Variants in FCRL2 observed in about 807,000 individuals in gnomAD.
FCRL2 encodes the protein Fc receptor like 2.
FCRL2 carries 48 observed loss-of-function variants against 59.8 expected under a neutral mutation model. The ratio of observed to expected loss-of-function variants is 0.80; its 90% CI spans 0.64 to 1.02. The LOEUF (loss-of-function observed/expected upper bound fraction) is 1.02. Among genes scored for constraint, FCRL2 ranks in the 50% least tolerant of loss-of-function variants. The pLI is 0.00. For missense variants in FCRL2, 658 were observed against 597.3 expected, an observed-to-expected ratio of 1.10 and a Z score of -1.06; for synonymous variants, 251 against 229.5, an observed-to-expected ratio of 1.09 and a Z score of -0.85.
intron 5 of FCRL2, chr1:157,768,042 A>C (rs1478008765): frequency 2.1e-5 from 5 of 236,112 alleles, no homozygotes; most frequent in Non-Finnish European, 4.1e-5. Flanking sequence ...CAGTTTCGGC[A>C]AGCTAGAAAC....
intron 7 of FCRL2, among the ~76,000 whole-genome samples, chr1:157,763,104 A>G (rs779339824): frequency 1.3e-5 from 2 of 152,256 alleles, no homozygotes; most frequent in Non-Finnish European, 2.9e-5. Context: ...GACGTAGAAA[A>G]TACACACTAA....
intron 7 of FCRL2, among the ~76,000 whole-genome samples, chr1:157,750,219 G>A (rs10489681): frequency 0.15 from 22,648 of 152,140 alleles, 1,735 homozygotes; most frequent in East Asian, 0.23. Context: ...AACAAGAAAC[G>A]CAGTATATTA....
chr1:157,775,937 A>G, intron 1 of FCRL2, 142 bp from the exon 2 acceptor site: 1 of 902,926 alleles, frequency 1.1e-6, no homozygotes, highest in Non-Finnish European at 1.6e-6. Context: ...TATTACTAAC[A>G]ATTCAATCTC....
intron 3 of FCRL2, 44 bp downstream of exon 3, chr1:157,770,365 C>T (rs1022353272): frequency 5.7e-6 from 9 of 1,590,368 alleles, no homozygotes; most frequent in South Asian, 1.2e-5. Flanking sequence ...GCCTTGCTGC[C>T]GTGGTCTCTC....
intron 7 of FCRL2, among the ~76,000 whole-genome samples, chr1:157,754,375 C>T (rs572854261): frequency 2.0e-5 from 3 of 152,144 alleles, no homozygotes; most frequent in Non-Finnish European, 4.4e-5. Context: ...AGGAAGTTAT[C>T]CAATATGGTC....
intron 2 of FCRL2, chr1:157,774,526 A>C (rs1266168692): frequency 2.2e-6 from 1 of 453,270 alleles, no homozygotes; most frequent in Non-Finnish European, 4.4e-6. Context: ...GCTAAAGGAA[A>C]AGAAAGAGAA....
chr1:157,765,394 C>G (rs986901415), intron 7 of FCRL2, among the ~76,000 whole-genome samples: 2 of 152,164 alleles, frequency 1.3e-5, no homozygotes, highest in Non-Finnish European at 2.9e-5. Context: ...CCTCCTCAAA[C>G]CATTCCAAAA....
chr1:157,767,531 T>C (rs1326913643), intron 5 of FCRL2, 22 bp from the exon 6 acceptor site: 3 of 1,614,220 alleles, frequency 1.9e-6, no homozygotes, highest in Non-Finnish European at 2.5e-6. Flanking sequence ...AGAGGGGCTA[T>C]CAGAAAAGAT....
At position 157,775,769 on chromosome 1, in the gene FCRL2, A is replaced by T; in HGVS notation, c.52+6T>A. ...ACCAAGAACAACAAAGACAAGGAGGACTCACCTGCCTGTTCAGTGACTGCA... is the reference window on the plus strand; with the variant it reads ...ACCAAGAACAACAAAGACAAGGAGGTCTCACCTGCCTGTTCAGTGACTGCA... On this transcript the variant is annotated splice_donor_region_variant and intron_variant, in intron 2 of 11. Transcript: ENST00000361516. The T allele has an allele frequency of 6.2e-7, 1 of 1,613,994 alleles. No homozygotes were observed. Among genetic ancestry groups the T allele is most frequent in the Non-Finnish European group, 8.5e-7 (1 of 1,179,934 alleles).
chr1:157,755,903 G>A (rs1293719571), intron 7 of FCRL2, among the ~76,000 whole-genome samples: 6 of 152,198 alleles, frequency 3.9e-5, no homozygotes, highest in Non-Finnish European at 8.8e-5. Context: ...AAGAGGTCCA[G>A]GAACAGTTGT....
Position 157,748,629 on chromosome 1 carries a change from A to C in FCRL2, c.1394-11T>G. On this transcript the variant is annotated splice_polypyrimidine_tract_variant and intron_variant, in intron 9 of 11. Coordinates refer to ENST00000361516, the MANE Select transcript of FCRL2 (RefSeq NM_030764.4). ...CATCTACAGAGCCCACTGCAGGGAG[A>C]AGACAAGAGTTCACAGATGTTGGTG... The C allele has an allele frequency of 6.2e-7, 1 of 1,613,056 alleles. No individual in the cohort carries two copies. The highest frequency in any genetic ancestry group is 8.5e-7 in the Non-Finnish European group (1 of 1,179,166).
At chr1:157,763,923 G>A (rs1016317999) in intron 7 of FCRL2, among the ~76,000 whole-genome samples, 3 of 151,848 alleles carry the variant, frequency 2.0e-5, no homozygotes, top group East Asian at 1.9e-4. Context: ...CCAGCTACTC[G>A]GGAGGCTGAG....
intron 5 of FCRL2, 173 bp downstream of exon 5, chr1:157,768,241 C>A: frequency 1.7e-6 from 1 of 601,980 alleles, no homozygotes; most frequent in Non-Finnish European, 2.9e-6. Flanking sequence ...ATATTTCCTT[C>A]CACAAAAAGA....
chr1:157,767,606 G>T (rs1035888527), intron 5 of FCRL2, 97 bp from the exon 6 acceptor site: 1 of 1,613,876 alleles, frequency 6.2e-7, no homozygotes, highest in African/African-American at 1.3e-5. Context: ...CTGGCCCCAT[G>T]GCTGTTGCAT....
intron 10 of FCRL2, 76 bp downstream of exon 10, chr1:157,748,477 T>G (rs1339688383): frequency 7.4e-6 from 5 of 678,830 alleles, no homozygotes; most frequent in East Asian, 3.2e-5. Context: ...AATAAATAAA[T>G]AAAGCCTCTA....
At chr1:157,764,489 C>G (rs990799198) in intron 7 of FCRL2, among the ~76,000 whole-genome samples, 1 of 152,180 alleles carries the variant, frequency 6.6e-6, no homozygotes, top group Non-Finnish European at 1.5e-5. Flanking sequence ...CAGGCATTTA[C>G]AGAACATTTT....
At chr1:157,752,977 C>G (rs1648312385) in intron 7 of FCRL2, among the ~76,000 whole-genome samples, 1 of 152,024 alleles carries the variant, frequency 6.6e-6, no homozygotes, top group Non-Finnish European at 1.5e-5. Flanking sequence ...ATGGGAACAA[C>G]CTTGATGGAA....
Position 157,770,023 on chromosome 1 carries a change from G to A in FCRL2, c.438C>T (p.Phe146=). 6.2e-7 allele frequency: 1 copy of A among 1,614,202 alleles called. No individual in the cohort carries two copies. The highest frequency in any genetic ancestry group is 8.5e-7 in the Non-Finnish European group (1 of 1,180,032). The change falls in exon 4 of 12, where the codon TTC becomes TTT. Residue 146 remains phenylalanine, a synonymous_variant. Transcript: ENST00000361516. ...RLDVQLQFCF[F]RENQVLGSGW... ...CTGACCCCAGGACCTGGTTTTCTCT[G>A]AAGAAGCAGAACTGGAGTTGAACAT...
intron 2 of FCRL2, among the ~76,000 whole-genome samples, chr1:157,771,462 A>G (rs142254197): frequency 1.4e-4 from 21 of 152,346 alleles, no homozygotes; most frequent in South Asian, 2.1e-4. Flanking sequence ...CTGGAATAAG[A>G]TCCAGTATCT....
Sources: allele counts gnomAD v4.1 joint callset (sites outside exome capture counted in the v4.1 genomes callset), GRCh38; gene constraint gnomAD v4.1.1; transcripts MANE v1.5; gene names NCBI Gene and HGNC (gene_info 2026-07-23, HGNC 2026-07-21).